The following TUSC3 variants were observed in gnomAD, a reference collection of about 807,000 sequenced individuals.
The protein encoded by TUSC3 is dolichyl-diphosphooligosaccharide--protein glycosyltransferase subunit TUSC3.
In TUSC3, 45 loss-of-function variants were observed where a neutral mutation model predicts 44.8. The observed-to-expected ratio is 1.00, with a 90% CI of 0.79 to 1.29. The LOEUF is 1.29. Among genes scored for constraint, TUSC3 ranks in the 50% most tolerant of loss-of-function variants. TUSC3 has a pLI of 0.00. For missense variants in TUSC3, 519 were observed against 437.9 expected, an observed-to-expected ratio of 1.19 and a Z score of -1.65; for synonymous variants, 212 against 152.9, an observed-to-expected ratio of 1.39 and a Z score of -2.85.
chr8:15,790,179 CTTTTTTTTTTT>C, the TUSC3 span, among the ~76,000 whole-genome samples: 6 of 72,254 alleles, frequency 8.3e-5, no homozygotes, highest in Middle Eastern at 0.015. Context: ...TTGTTAAGGC[CTTTTTTTTTTT>C]TTTTTTTTTT....
chr8:15,450,778 C>G (rs756517067), intron 1 of TUSC3, among the ~76,000 whole-genome samples: 3 of 152,130 alleles, frequency 2.0e-5, no homozygotes, highest in African/African-American at 4.8e-5. Context: ...TGAATGTAAA[C>G]AGAAACAGAT....
intron 1 of TUSC3, among the ~76,000 whole-genome samples, chr8:15,477,158 G>A (rs184248704): frequency 8.5e-4 from 130 of 152,218 alleles, no homozygotes; most frequent in African/African-American, 3.1e-3. Context: ...TTAGTTCTGG[G>A]AAGTCAGCAT....
At chr8:15,427,075 G>GTTTTTTTTTTTT (rs367932724) in intron 1 of TUSC3, among the ~76,000 whole-genome samples, 1 of 145,960 alleles carries the variant, frequency 6.9e-6, no homozygotes, top group African/African-American at 2.5e-5. Flanking sequence ...GTTGTTTGGT[G>GTTTTTTTTTTTT]TTTGTTTTTT....
intron 6 of TUSC3, among the ~76,000 whole-genome samples, chr8:15,680,392 G>A (rs966389197): frequency 4.0e-5 from 6 of 151,822 alleles, no homozygotes; most frequent in Middle Eastern, 3.2e-3. Context: ...TCTTGATTTG[G>A]TTCTTGACTT....
intron 2 of TUSC3, among the ~76,000 whole-genome samples, chr8:15,627,688 G>C (rs912214103): frequency 2.0e-5 from 3 of 152,216 alleles, no homozygotes; most frequent in Non-Finnish European, 2.9e-5. Context: ...GTGCTGGCCG[G>C]GGAAGCTGCT....
At chr8:15,464,065 C>G (rs972602754) in intron 1 of TUSC3, among the ~76,000 whole-genome samples, 1 of 152,136 alleles carries the variant, frequency 6.6e-6, no homozygotes, top group Admixed American at 6.5e-5. Flanking sequence ...ACTCTAACAG[C>G]CTCAGACTTA....
intron 2 of TUSC3, among the ~76,000 whole-genome samples, chr8:15,647,395 TTTG>T (rs1487568597): frequency 6.6e-6 from 1 of 152,212 alleles, no homozygotes; most frequent in Non-Finnish European, 1.5e-5. Flanking sequence ...TGTTCATTTT[TTTG>T]TTTTTATTTT....
the TUSC3 span, among the ~76,000 whole-genome samples, chr8:15,785,006 A>AATATAT: frequency 2.5e-4 from 38 of 149,548 alleles, no homozygotes; most frequent in East Asian, 1.8e-3. Flanking sequence ...CATTGTACCT[A>AATATAT]ATATATATAT....
chr8:15,486,251 T>C (rs974074255), intron 2 of TUSC3, among the ~76,000 whole-genome samples: 2 of 152,232 alleles, frequency 1.3e-5, no homozygotes, highest in Admixed American at 1.3e-4. Context: ...GTCTGTACTT[T>C]AGGCAGTTAT....
intron 2 of TUSC3, among the ~76,000 whole-genome samples, chr8:15,507,123 T>G (rs1801062305): frequency 6.6e-6 from 1 of 152,318 alleles, no homozygotes; most frequent in African/African-American, 2.4e-5. Flanking sequence ...TTGATTTTTT[T>G]GGCCAGCCTT....
intron 2 of TUSC3, among the ~76,000 whole-genome samples, chr8:15,517,558 C>CAAAAAAAAAAAA (rs1801236117): frequency 1.1e-5 from 1 of 92,224 alleles, no homozygotes; most frequent in African/African-American, 5.2e-5. Context: ...AAAAAAAAAG[C>CAAAAAAAAAAAA]CCACAACATT....
intron 1 of TUSC3, among the ~76,000 whole-genome samples, chr8:15,585,372 G>T (rs1803553498): frequency 6.6e-6 from 1 of 152,162 alleles, no homozygotes; most frequent in Non-Finnish European, 1.5e-5. Context: ...GGTATCACCT[G>T]GAGTTCTTTT....
rs139862650 is a variant in TUSC3, at chr8:15,738,258, A to C, written c.863-5280A>C. Among the ~76,000 whole-genome samples, 4 of 152,336 alleles carry C rather than the reference A, an allele frequency of 2.6e-5. No individual in the cohort carries two copies. The East Asian group carries it at 7.7e-4, about 29-fold the overall frequency. On this transcript the variant is annotated intron_variant, in intron 7 of 10. Transcript: ENST00000503731. ...ATGTCTAGTAATCCCTTTGCTTTAA[A>C]ATTCCCACTTTAAGGTTGTGTGCAC...
chr8:15,681,355 G>C (rs923465520), intron 6 of TUSC3, among the ~76,000 whole-genome samples: 1 of 151,650 alleles, frequency 6.6e-6, no homozygotes, highest in Non-Finnish European at 1.5e-5. Context: ...TCAGAAGTCA[G>C]TATTTGTCTG....
chr8:15,708,015 G>A (rs1809690242), intron 6 of TUSC3, among the ~76,000 whole-genome samples: 1 of 151,674 alleles, frequency 6.6e-6, no homozygotes, highest in East Asian at 1.9e-4. Context: ...GCTTCTCTTT[G>A]TATCCTTTTC....
intron 1 of TUSC3, among the ~76,000 whole-genome samples, chr8:15,447,270 A>G (rs555026181): frequency 6.6e-5 from 10 of 152,306 alleles, no homozygotes; most frequent in African/African-American, 2.4e-4. Context: ...CAGTCGAGCA[A>G]GATCTAAGGA....
intron 2 of TUSC3, among the ~76,000 whole-genome samples, chr8:15,646,045 A>T (rs965005357): frequency 6.6e-6 from 1 of 152,098 alleles, no homozygotes; most frequent in Admixed American, 6.5e-5. Flanking sequence ...TAGCCATTGG[A>T]CAATCAATAT....
At chr8:15,506,433 C>G (rs1321260612) in intron 2 of TUSC3, among the ~76,000 whole-genome samples, 3 of 152,202 alleles carry the variant, frequency 2.0e-5, no homozygotes, top group Non-Finnish European at 2.9e-5. Flanking sequence ...TCTGACCTAA[C>G]TTGTTTGACT....
At chr8:15,584,058 C>G (rs1041990387) in intron 1 of TUSC3, among the ~76,000 whole-genome samples, 5 of 151,142 alleles carry the variant, frequency 3.3e-5, no homozygotes, top group African/African-American at 9.9e-5. Context: ...GCAGTGTAAT[C>G]AAACACAGCA....
Sources: allele counts gnomAD v4.1 joint callset (sites outside exome capture counted in the v4.1 genomes callset), GRCh38; gene constraint gnomAD v4.1.1; transcripts MANE v1.5; gene names NCBI Gene and HGNC (gene_info 2026-07-23, HGNC 2026-07-21).